The following TBC1D22A variants were observed in gnomAD, a reference collection of about 807,000 sequenced individuals.
The protein encoded by TBC1D22A is TBC1 domain family member 22A.
TBC1D22A carries 38 observed loss-of-function variants against 60.2 expected under a neutral mutation model. The observed-to-expected ratio is 0.63, with a 90% CI of 0.49 to 0.83. The LOEUF (loss-of-function observed/expected upper bound fraction) is 0.83, where lower values mean the gene tolerates loss of function less well. TBC1D22A is among the 40% of genes least tolerant of loss of function. The pLI, the probability that TBC1D22A is intolerant of heterozygous loss-of-function variation, is 0.00. For missense variants in TBC1D22A, 628 were observed against 701.0 expected (o/e 0.90, Z 1.18); for synonymous variants, 302 against 281.7 (o/e 1.07, Z -0.72).
At chr22:46,863,201 A>C (rs1004069595) in intron 4 of TBC1D22A, among the ~76,000 whole-genome samples, 1 of 152,208 alleles carries the variant, frequency 6.6e-6, no homozygotes, top group East Asian at 1.9e-4. Context: ...ATGGGCACCC[A>C]TGACAAGCAG....
chr22:47,142,250 T>TCACC (rs946361415), intron 12 of TBC1D22A, among the ~76,000 whole-genome samples: 8 of 99,058 alleles, frequency 8.1e-5, no homozygotes, highest in Non-Finnish European at 1.2e-4. Flanking sequence ...ATCCATCCAT[T>TCACC]CACCCACCCA....
chr22:46,914,836 G>T (rs2070236573), intron 8 of TBC1D22A: 1 of 155,452 alleles, frequency 6.4e-6, no homozygotes, highest in South Asian at 2.0e-4. Context: ...ACAGATTTTA[G>T]AGGAGTAATT....
At chr22:46,874,766 A>T (rs149699194) in intron 4 of TBC1D22A, among the ~76,000 whole-genome samples, 4 of 151,358 alleles carry the variant, frequency 2.6e-5, no homozygotes, top group African/African-American at 4.9e-5. Context: ...TAGAGATGGG[A>T]TTTCACCATG....
intron 12 of TBC1D22A, among the ~76,000 whole-genome samples, chr22:47,138,139 G>A (rs1035164855): frequency 1.3e-5 from 2 of 152,196 alleles, no homozygotes; most frequent in African/African-American, 2.4e-5. Context: ...TCGTGGGATC[G>A]TCCAGGTAGC....
At chr22:47,060,782 C>T (rs1328671850) in intron 11 of TBC1D22A, among the ~76,000 whole-genome samples, 1 of 152,200 alleles carries the variant, frequency 6.6e-6, no homozygotes, top group Non-Finnish European at 1.5e-5. Context: ...CACAATTTAG[C>T]GGAGTCAGTC....
chr22:46,933,869 A>G (rs1350891650), intron 8 of TBC1D22A, among the ~76,000 whole-genome samples: 2 of 152,208 alleles, frequency 1.3e-5, no homozygotes, highest in Non-Finnish European at 2.9e-5. Flanking sequence ...TGTGAGAGGA[A>G]GCAGAGGTGG....
intron 11 of TBC1D22A, among the ~76,000 whole-genome samples, chr22:47,095,626 C>T: frequency 6.6e-6 from 1 of 150,556 alleles, no homozygotes; most frequent in East Asian, 2.0e-4. Context: ...ATTTCCCCGT[C>T]TCCCAACTGG....
intron 1 of TBC1D22A, among the ~76,000 whole-genome samples, chr22:46,787,997 C>T (rs1442248728): frequency 4.3e-5 from 6 of 138,132 alleles, no homozygotes; most frequent in South Asian, 2.3e-4. Flanking sequence ...AGTGCAGGGG[C>T]GTGATCTCGG....
intron 11 of TBC1D22A, among the ~76,000 whole-genome samples, chr22:47,037,529 G>A (rs970795289): frequency 6.6e-6 from 1 of 152,188 alleles, no homozygotes; most frequent in Non-Finnish European, 1.5e-5. Flanking sequence ...CTACTCAGAG[G>A]CTGAGGCATG....
chr22:46,798,950 G>C (rs184637876), intron 4 of TBC1D22A, among the ~76,000 whole-genome samples: 1 of 152,222 alleles, frequency 6.6e-6, no homozygotes, highest in Admixed American at 6.5e-5. Flanking sequence ...TTCTCGAGGC[G>C]GGGGAGGGCT....
At chr22:46,970,068 C>T (rs992942320) in intron 8 of TBC1D22A, among the ~76,000 whole-genome samples, 1 of 152,084 alleles carries the variant, frequency 6.6e-6, no homozygotes, top group African/African-American at 2.4e-5. Flanking sequence ...ATACATCTCC[C>T]CTCGCCCTCC....
At position 46,919,177 on chromosome 22, in the gene TBC1D22A, T is replaced by A. The variant is rs1045822391; in HGVS notation, c.1015+6989T>A. On this transcript the variant is annotated intron_variant, in intron 8 of 12. Transcript: ENST00000337137. ...CATCCTTCCCTTTTCTCTTGTCCAC[T>A]AGCCCCAGGCAGCCTCTCATTTGCT... Among the ~76,000 whole-genome samples, 7 of 152,346 alleles carry A rather than the reference T, an allele frequency of 4.6e-5. No individual in the cohort carries two copies. The East Asian group carries it at 1.2e-3, about 25-fold the overall frequency.
intron 12 of TBC1D22A, among the ~76,000 whole-genome samples, chr22:47,153,714 T>A (rs1402593769): frequency 6.6e-6 from 1 of 151,836 alleles, no homozygotes; most frequent in African/African-American, 2.4e-5. Context: ...TGGTGACAGA[T>A]TGCAATGGCT....
intron 8 of TBC1D22A, among the ~76,000 whole-genome samples, chr22:46,936,609 G>A (rs1367318713): frequency 1.3e-5 from 2 of 152,202 alleles, no homozygotes; most frequent in South Asian, 4.1e-4. Context: ...GGTAATTATG[G>A]ATCTTTCTGT....
chr22:46,971,419 C>T (rs931216746), intron 8 of TBC1D22A, among the ~76,000 whole-genome samples: 5 of 152,162 alleles, frequency 3.3e-5, no homozygotes, highest in South Asian at 2.1e-4. Context: ...AAAGAGGATA[C>T]GTCGATGGGA....
chr22:47,034,727 C>T (rs1026106389), intron 10 of TBC1D22A, among the ~76,000 whole-genome samples: 2 of 152,130 alleles, frequency 1.3e-5, no homozygotes, highest in African/African-American at 2.4e-5. Context: ...GGACTTTGGA[C>T]GACGGAGCTC....
chr22:46,792,954 C>A, intron 2 of TBC1D22A: 1 of 1,115,656 alleles, frequency 9.0e-7, no homozygotes, highest in Non-Finnish European at 1.2e-6. Context: ...GTCCTGGCCC[C>A]TCCACAGCAG....
At chr22:46,776,510 C>G (rs146387954) in intron 1 of TBC1D22A, among the ~76,000 whole-genome samples, 1 of 151,952 alleles carries the variant, frequency 6.6e-6, no homozygotes, top group Admixed American at 6.6e-5. Flanking sequence ...GCTTGAGGCT[C>G]TTTTGTGTTT....
chr22:46,807,928 C>G (rs2085218940), intron 4 of TBC1D22A, among the ~76,000 whole-genome samples: 1 of 152,142 alleles, frequency 6.6e-6, no homozygotes, highest in African/African-American at 2.4e-5. Context: ...GATCATGCCA[C>G]TGCACTCCGG....
Sources: allele counts gnomAD v4.1 joint callset (sites outside exome capture counted in the v4.1 genomes callset), GRCh38; gene constraint gnomAD v4.1.1; transcripts MANE v1.5; gene names NCBI Gene and HGNC (gene_info 2026-07-23, HGNC 2026-07-21).